Variants in CACNA1C observed in about 807,000 individuals in gnomAD.
CACNA1C encodes calcium voltage-gated channel subunit alpha1 C.
A neutral mutation model predicts 229.0 loss-of-function variants in CACNA1C; 30 were observed. That is an observed-to-expected ratio of 0.13 (90% CI 0.10 to 0.18). CACNA1C has a LOEUF of 0.18. Among genes scored for constraint, CACNA1C ranks in the 10% least tolerant of loss-of-function variants. CACNA1C has a pLI of 1.00. For missense variants in CACNA1C, 1,658 were observed against 2,845.0 expected, an observed-to-expected ratio of 0.58 and a Z score of 9.49; for synonymous variants, 1,114 against 1,132.5, an observed-to-expected ratio of 0.98 and a Z score of 0.33.
At chr12:2,336,440 A>AT (rs1332739096) in intron 3 of CACNA1C, among the ~76,000 whole-genome samples, 1 of 137,120 alleles carries the variant, frequency 7.3e-6, no homozygotes, top group Non-Finnish European at 1.7e-5. Context: ...CATGATTCCT[A>AT]TTTTTAGCAA....
chr12:2,481,790 G>T (rs923225227), intron 5 of CACNA1C, among the ~76,000 whole-genome samples: 4 of 152,194 alleles, frequency 2.6e-5, no homozygotes, highest in East Asian at 3.9e-4. Context: ...CTGATGTAGG[G>T]CTAGAAAAAC....
intron 9 of CACNA1C, among the ~76,000 whole-genome samples, chr12:2,514,602 A>G (rs1257721492): frequency 6.6e-6 from 1 of 152,130 alleles, no homozygotes; most frequent in Admixed American, 6.5e-5. Flanking sequence ...GGAGAAGCCT[A>G]CCTCTAAAAT....
chr12:2,498,096 T>G (rs2099750958), intron 7 of CACNA1C, among the ~76,000 whole-genome samples: 1 of 152,220 alleles, frequency 6.6e-6, no homozygotes, highest in Non-Finnish European at 1.5e-5. Context: ...TTGGGTGTTT[T>G]ACCCTATTTT....
intron 3 of CACNA1C, among the ~76,000 whole-genome samples, chr12:2,351,488 C>T (rs545607329): frequency 1.3e-5 from 2 of 152,326 alleles, no homozygotes; most frequent in Admixed American, 1.3e-4. Flanking sequence ...CTGGTTTCCT[C>T]AGTTGCCCTG....
chr12:2,580,814 C>T (rs527962927), intron 13 of CACNA1C, among the ~76,000 whole-genome samples: 8 of 152,184 alleles, frequency 5.3e-5, no homozygotes, highest in Non-Finnish European at 1.2e-4. Flanking sequence ...CTTTGAGCTG[C>T]CCCAGTGGGT....
At chr12:2,104,644 G>C (rs10774026) in intron 1 of CACNA1C, among the ~76,000 whole-genome samples, 84,325 of 152,020 alleles carry the variant, frequency 0.55, 24,581 homozygotes, top group Non-Finnish European at 0.64. Flanking sequence ...TCCTTGTCTT[G>C]TGCCAGCTTT....
intron 27 of CACNA1C, 102 bp from the exon 28 acceptor site, chr12:2,610,439 C>A: frequency 8.3e-7 from 1 of 1,202,538 alleles, no homozygotes; most frequent in South Asian, 1.6e-5. Context: ...GAACCCCACC[C>A]CACAGTGTGT....
At chr12:2,072,046 T>G (rs2061526764) in intron 1 of CACNA1C, among the ~76,000 whole-genome samples, 1 of 152,110 alleles carries the variant, frequency 6.6e-6, no homozygotes, top group African/African-American at 2.4e-5. Context: ...TATTCGTATA[T>G]TTACCGGAAA....
At chr12:2,474,828 A>G (rs1291303086) in intron 5 of CACNA1C, among the ~76,000 whole-genome samples, 1 of 152,096 alleles carries the variant, frequency 6.6e-6, no homozygotes, top group African/African-American at 2.4e-5. Flanking sequence ...CAGAATTGGC[A>G]GTTGAGATGA....
chr12:2,041,478 A>G (rs12321674), intron 1 of CACNA1C, among the ~76,000 whole-genome samples: 38,110 of 151,370 alleles, frequency 0.25, 6,334 homozygotes, highest in African/African-American at 0.48. Flanking sequence ...GGGTTTCACC[A>G]TGTTCGCCAG....
intron 1 of CACNA1C, among the ~76,000 whole-genome samples, chr12:2,042,872 A>T (rs1166449381): frequency 6.6e-6 from 1 of 152,222 alleles, no homozygotes; most frequent in Non-Finnish European, 1.5e-5. Context: ...GCCACTTGGG[A>T]AATTGTTAGC....
In CACNA1C at chr12:2,679,345, C is replaced by A. The variant is rs543239448; in HGVS notation, c.5092-99C>A. 4 of 913,220 alleles carry A rather than the reference C, an allele frequency of 4.4e-6. No individual in the cohort carries two copies. The Admixed American group carries it at 8.7e-5, about 20-fold the overall frequency. The allele number at this position is 913,220 out of a possible 1,614,324, so 56.6% of individuals were successfully genotyped here. A position where few individuals can be genotyped will look rare whatever the true frequency, so the allele number is the denominator to read the frequency against. On this transcript the variant is annotated intron_variant, in intron 41 of 46. Coordinates refer to ENST00000399655, the MANE Select transcript of CACNA1C (RefSeq NM_000719.7). The surrounding 1 kb of genome is among the most constrained non-coding windows in gnomAD (Gnocchi z 5.5). ...TACCCGAAAGAAGGCAGCCCGCCTTCCCAGGCCCTGCACTTCCCTGACCTG... is the reference window on the plus strand; with the variant it reads ...TACCCGAAAGAAGGCAGCCCGCCTTACCAGGCCCTGCACTTCCCTGACCTG...
At position 2,319,166 on chromosome 12, in the gene CACNA1C, G is replaced by T. The variant is rs932855441; in HGVS notation, c.478-129810G>T. ...TGTCACCTGTCCTGGGCAGGCAGGG[G>T]TCCCCACATATCACTGCACCCTCGT... is the stretch of plus-strand genomic sequence containing the variant. On this transcript the variant is annotated intron_variant, in intron 3 of 46. Transcript: ENST00000399655. This position sits in a 1 kb window ranked among gnomAD's most constrained non-coding sequence, Gnocchi z 4.0. 2.0e-5 allele frequency among the ~76,000 whole-genome samples: 3 copies of T among 152,042 alleles called. No individual in the cohort carries two copies. Among genetic ancestry groups the T allele is most frequent in the African/African-American group, 7.3e-5 (3 of 41,374 alleles).
chr12:2,482,053 C>T (rs1597630436), intron 5 of CACNA1C, among the ~76,000 whole-genome samples: 1 of 152,224 alleles, frequency 6.6e-6, no homozygotes, highest in East Asian at 1.9e-4. Flanking sequence ...TGAGCCAATC[C>T]CAAGAAGCTG....
intron 5 of CACNA1C, among the ~76,000 whole-genome samples, chr12:2,459,471 A>G (rs1221363789): frequency 1.3e-5 from 2 of 152,174 alleles, no homozygotes; most frequent in South Asian, 2.1e-4. Flanking sequence ...TTTTCTTTGC[A>G]GTGGGACTCC....
intron 1 of CACNA1C, among the ~76,000 whole-genome samples, chr12:2,042,743 T>C (rs1018798923): frequency 6.6e-6 from 1 of 152,200 alleles, no homozygotes; most frequent in Non-Finnish European, 1.5e-5. Context: ...CGGGTTGTCC[T>C]CCGGTGAACG....
intron 3 of CACNA1C, among the ~76,000 whole-genome samples, chr12:2,349,031 G>A (rs896884173): frequency 3.3e-5 from 5 of 152,132 alleles, no homozygotes; most frequent in South Asian, 4.1e-4. Flanking sequence ...ATTGAAGGAC[G>A]GTGGTGCCAG....
chr12:2,610,559 G>A lies in CACNA1C; in HGVS notation c.3577G>A (p.Ala1193Thr), dbSNP rs1251955384. Residue 1193 changes from alanine to threonine, a missense_variant, in exon 28 of 47, where the codon GCC (alanine) becomes ACC (threonine). This residue lies in a region of CACNA1C where 67 missense variants were observed against 106.4 expected (regional missense o/e 0.63). Coordinates refer to ENST00000399655, the MANE Select transcript of CACNA1C (RefSeq NM_000719.7). ...DKNQRQCVEY[A>T]LKARPLRRYI... ...CTCCCAGCGACAGTGCGTGGAATAC[G>A]CCCTCAAGGCCCGGCCCCTGCGGAG... The A allele has an allele frequency of 6.2e-7, 1 of 1,613,710 alleles. No homozygotes were observed. Among genetic ancestry groups the A allele is most frequent in the Non-Finnish European group, 8.5e-7 (1 of 1,179,748 alleles).
intron 3 of CACNA1C, among the ~76,000 whole-genome samples, chr12:2,369,841 T>G (rs2097812333): frequency 6.6e-6 from 1 of 152,176 alleles, no homozygotes; most frequent in East Asian, 1.9e-4. Flanking sequence ...TTTATAAACA[T>G]GAAAGTAATG....
Sources: allele counts gnomAD v4.1 joint callset (sites outside exome capture counted in the v4.1 genomes callset), GRCh38; gene constraint gnomAD v4.1.1; regional missense constraint gnomAD v4.1.1; non-coding constraint Gnocchi (gnomAD v3.1); transcripts MANE v1.5; gene names NCBI Gene and HGNC (gene_info 2026-07-23, HGNC 2026-07-21).